Variants in ADGRB3 observed in about 807,000 individuals in gnomAD.
ADGRB3 encodes the protein brain-specific angiogenesis inhibitor 3.
A neutral mutation model predicts 193.4 loss-of-function variants in ADGRB3; 37 were observed. That is an observed-to-expected ratio of 0.19 (90% CI 0.15 to 0.25). The LOEUF (loss-of-function observed/expected upper bound fraction) is 0.25, where lower values mean the gene tolerates loss of function less well. ADGRB3 is among the 10% of genes least tolerant of loss of function. The pLI is 1.00. For synonymous variants in ADGRB3, 690 were observed against 644.2 expected, an observed-to-expected ratio of 1.07 and a Z score of -1.08; for missense variants, 1,637 against 1,852.9, an observed-to-expected ratio of 0.88 and a Z score of 2.14.
At chr6:68,760,427 C>T (rs1051539514) in intron 3 of ADGRB3, among the ~76,000 whole-genome samples, 1 of 152,086 alleles carries the variant, frequency 6.6e-6, no homozygotes, top group Non-Finnish European at 1.5e-5. Flanking sequence ...GTTAATTTTC[C>T]ACGTTAAGCC....
chr6:69,282,997 A>G (rs534793258), intron 20 of ADGRB3, among the ~76,000 whole-genome samples: 1 of 152,226 alleles, frequency 6.6e-6, no homozygotes, highest in South Asian at 2.1e-4. Flanking sequence ...AATAAAAGAG[A>G]TGGGCCATGA....
intron 5 of ADGRB3, among the ~76,000 whole-genome samples, 190 bp downstream of exon 5, chr6:68,936,870 T>G (rs1298461314): frequency 6.6e-6 from 1 of 152,236 alleles, no homozygotes. Flanking sequence ...GTCAGCAAAT[T>G]AGGTAAATGG....
At position 69,187,924 on chromosome 6, in the gene ADGRB3, A is replaced by G. The variant is rs1035153682; in HGVS notation, c.2481-45366A>G. Among the ~76,000 whole-genome samples the G allele has an allele frequency of 2.6e-4, 40 of 152,216 alleles. 1 individual carries two copies. Among genetic ancestry groups the G allele is most frequent in the Admixed American group, 2.4e-3 (37 of 15,270 alleles). On this transcript the variant is annotated intron_variant, in intron 17 of 31. Transcript: ENST00000370598. ...AAGATGGAGAACCTGGAGGCTGTCAAGTCCCTTTAATTTGGGGTCATTCTG... is the reference window on the plus strand; with the variant it reads ...AAGATGGAGAACCTGGAGGCTGTCAGGTCCCTTTAATTTGGGGTCATTCTG...
At chr6:68,719,550 A>C (rs1258763214) in intron 3 of ADGRB3, among the ~76,000 whole-genome samples, 1 of 151,784 alleles carries the variant, frequency 6.6e-6, no homozygotes, top group Non-Finnish European at 1.5e-5. Flanking sequence ...CCTCTGTTTA[A>C]TTAACAGTTA....
intron 11 of ADGRB3, among the ~76,000 whole-genome samples, chr6:69,010,041 C>A (rs1295447804): frequency 6.6e-6 from 1 of 151,990 alleles, no homozygotes; most frequent in African/African-American, 2.4e-5. Flanking sequence ...TCTCGTATAG[C>A]CAAATCTAGG....
chr6:69,219,487 A>ATATATATATATATATG (rs1455210313), intron 17 of ADGRB3, among the ~76,000 whole-genome samples: 67 of 140,534 alleles, frequency 4.8e-4, no homozygotes, highest in Non-Finnish European at 8.3e-4. Flanking sequence ...ATATATATAT[A>ATATATATATATATATG]TATATACGTG....
chr6:69,093,021 G>A (rs1772760817), intron 17 of ADGRB3, among the ~76,000 whole-genome samples: 1 of 151,832 alleles, frequency 6.6e-6, no homozygotes, highest in Non-Finnish European at 1.5e-5. Flanking sequence ...GGGGTGGAAG[G>A]GTGAACAGCC....
intron 20 of ADGRB3, among the ~76,000 whole-genome samples, chr6:69,291,537 G>T (rs539838968): frequency 5.9e-5 from 9 of 152,130 alleles, no homozygotes; most frequent in Admixed American, 3.9e-4. Flanking sequence ...AAATTCTAAC[G>T]CCCTTAGTAT....
chr6:69,244,965 C>T (rs779455), intron 20 of ADGRB3, among the ~76,000 whole-genome samples: 13,758 of 151,946 alleles, frequency 0.091, 722 homozygotes, highest in Non-Finnish European at 0.11. Flanking sequence ...TTCATATTTC[C>T]TCATGTCCAA....
chr6:68,844,891 C>G (rs1674543716), intron 3 of ADGRB3, among the ~76,000 whole-genome samples: 1 of 152,116 alleles, frequency 6.6e-6, no homozygotes, highest in African/African-American at 2.4e-5. Flanking sequence ...CACATGTTCT[C>G]ATTTATCTGT....
intron 30 of ADGRB3, 74 bp downstream of exon 30, chr6:69,372,515 T>C (rs1769728344): frequency 5.4e-6 from 4 of 747,408 alleles, no homozygotes; most frequent in Non-Finnish European, 8.0e-6. Flanking sequence ...TTAAAAATTA[T>C]TACTCTATGC....
chr6:69,258,228 C>A (rs1766825735), intron 20 of ADGRB3, among the ~76,000 whole-genome samples: 1 of 152,124 alleles, frequency 6.6e-6, no homozygotes, highest in Admixed American at 6.5e-5. Flanking sequence ...TAGAGGAAAT[C>A]TAGCAAGGTA....
At chr6:68,897,896 G>A (rs1432265810) in intron 3 of ADGRB3, among the ~76,000 whole-genome samples, 1 of 147,986 alleles carries the variant, frequency 6.8e-6, no homozygotes, top group African/African-American at 2.5e-5. Flanking sequence ...AAAAAGAAAA[G>A]CAGGAAAACA....
At chr6:69,321,310 T>A (rs911660585) in intron 20 of ADGRB3, among the ~76,000 whole-genome samples, 1 of 151,776 alleles carries the variant, frequency 6.6e-6, no homozygotes, top group Non-Finnish European at 1.5e-5. Flanking sequence ...ATTCATCAGC[T>A]GTGACACTGA....
rs201078794 is a variant in ADGRB3, at chr6:68,812,608, T to C, written c.758-117951T>C. ...AGGACTTATTCTCACAACAGTTTGA[T>C]TTATTAGGTGATTAACTGTGAATGT... On this transcript the variant is annotated intron_variant, in intron 3 of 31. Transcript: ENST00000370598. 1.6e-4 allele frequency among the ~76,000 whole-genome samples: 24 copies of C among 152,318 alleles called. No homozygotes were observed. In the East Asian group the frequency reaches 4.2e-3, roughly 27 times the overall value.
intron 3 of ADGRB3, among the ~76,000 whole-genome samples, chr6:68,928,504 C>A (rs947760998): frequency 6.6e-6 from 1 of 152,168 alleles, no homozygotes; most frequent in Non-Finnish European, 1.5e-5. Context: ...CACTGCACTT[C>A]AGCCTGGGTG....
chr6:69,278,126 T>G (rs1200279534), intron 20 of ADGRB3, among the ~76,000 whole-genome samples: 11 of 152,208 alleles, frequency 7.2e-5, no homozygotes, highest in Non-Finnish European at 1.3e-4. Flanking sequence ...AATAGGGCTT[T>G]GAGATGCAAA....
intron 3 of ADGRB3, among the ~76,000 whole-genome samples, chr6:68,664,896 G>C (rs1315824149): frequency 2.0e-5 from 3 of 151,804 alleles, no homozygotes; most frequent in Non-Finnish European, 4.4e-5. Flanking sequence ...ACAGTGAGTG[G>C]ACTGCAGCAG....
intron 20 of ADGRB3, among the ~76,000 whole-genome samples, chr6:69,289,889 G>T (rs1767631126): frequency 6.6e-6 from 1 of 151,942 alleles, no homozygotes; most frequent in African/African-American, 2.4e-5. Context: ...GTGAGTCAGT[G>T]TGTGGCACAG....
Sources: allele counts gnomAD v4.1 joint callset (sites outside exome capture counted in the v4.1 genomes callset), GRCh38; gene constraint gnomAD v4.1.1; transcripts MANE v1.5; gene names NCBI Gene and HGNC (gene_info 2026-07-23, HGNC 2026-07-21).